Variants in PKLR observed in about 807,000 individuals in gnomAD.
PKLR encodes pyruvate kinase L/R.
A neutral mutation model predicts 53.6 loss-of-function variants in PKLR; 38 were observed. That is an observed-to-expected ratio of 0.71 (90% CI 0.55 to 0.93). The LOEUF (loss-of-function observed/expected upper bound fraction) is 0.93, where lower values mean the gene tolerates loss of function less well. Ranked by LOEUF, PKLR falls within the 40% of genes least tolerant of loss-of-function variation. PKLR has a pLI of 0.00. For missense variants in PKLR, 702 were observed against 787.3 expected (o/e 0.89, Z 1.30); for synonymous variants, 328 against 316.2 (o/e 1.04, Z -0.39).
At chr1:155,302,172 A>T (rs144648492), upstream of PKLR, among the ~76,000 whole-genome samples, 374 of 148,858 alleles carry the variant, frequency 2.5e-3, 1 homozygote, top group African/African-American at 8.9e-3. Flanking sequence ...CCTACCGAGT[A>T]GCTGGGATTA....
chr1:155,305,518 A>T (rs764641458), upstream of PKLR, among the ~76,000 whole-genome samples: 2 of 152,170 alleles, frequency 1.3e-5, no homozygotes, highest in Non-Finnish European at 2.9e-5. Context: ...AGACACAACA[A>T]ATAAAGAGAG....
At position 155,293,652 on chromosome 1, in the gene PKLR, A is replaced by G. The variant is rs1647364055; in HGVS notation, c.1117-62T>C. 4 of 1,564,278 alleles carry G rather than the reference A, an allele frequency of 2.6e-6. No homozygotes were observed. In the South Asian group the frequency reaches 4.5e-5, roughly 17 times the overall value. On this transcript the variant is annotated intron_variant, in intron 7 of 10. Transcript: ENST00000342741. The surrounding 1 kb of genome is among the most constrained non-coding windows in gnomAD (Gnocchi z 4.2). ...ACACTGTGACTGGGGACCCTGCCCA[A>G]GCTACTTCTCTGACACCCACACTCT...
chr1:155,307,879 C>T, the PKLR span, among the ~76,000 whole-genome samples: 1 of 151,990 alleles, frequency 6.6e-6, no homozygotes, highest in Non-Finnish European at 1.5e-5. Flanking sequence ...CACTTGAACC[C>T]GGGAAGCGAG....
Position 155,300,227 on chromosome 1 carries a change from C to G in PKLR, c.154G>C (p.Gly52Arg). ...TGCTGCTGCTGGAAGAAGGCAGTGC[C>G]CAGCTCCTGGGTCAGTTGGGCCACA... ...ASVAQLTQEL[G>R]TAFFQQQQLP... is the part of the protein sequence containing the mutation. The change falls in exon 2 of 11, where the codon GGC becomes CGC. Residue 52 changes from glycine to arginine, a missense_variant. Around this residue, in one of 2 missense-constraint regions of PKLR, gnomAD observed 519 missense variants for 537.1 expected, o/e 0.97. Coordinates refer to ENST00000342741, the MANE Select transcript of PKLR (RefSeq NM_000298.6). 6.2e-7 allele frequency: 1 copy of G among 1,612,650 alleles called. No individual in the cohort carries two copies. The highest frequency in any genetic ancestry group is 8.5e-7 in the Non-Finnish European group (1 of 1,179,444).
chr1:155,293,599 C>T lies in PKLR; in HGVS notation c.1117-9G>A, dbSNP rs373607289. On this transcript the variant is annotated splice_polypyrimidine_tract_variant and intron_variant, in intron 7 of 10. Transcript: ENST00000342741. The surrounding 1 kb of genome is among the most constrained non-coding windows in gnomAD (Gnocchi z 4.2). ...ATCATGCTCTCCAGCATCTGGGGGA[C>T]AGCGTGGATGTCAAAGTTGTAGGAC... 2 of 1,613,966 alleles carry T rather than the reference C, an allele frequency of 1.2e-6. No homozygotes were observed. Among genetic ancestry groups the T allele is most frequent in the Non-Finnish European group, 1.7e-6 (2 of 1,179,960 alleles).
chr1:155,290,930 A>G (rs1448744887), intron 10 of PKLR, among the ~76,000 whole-genome samples: 1 of 150,550 alleles, frequency 6.6e-6, no homozygotes, highest in Non-Finnish European at 1.5e-5. Flanking sequence ...TAGAGGTTGC[A>G]GTGAGCCGAG....
In PKLR at chr1:155,295,315, C is replaced by A. The variant is rs1217312222; in HGVS notation, c.508-13G>T. 1 of 1,613,852 alleles carries A rather than the reference C, an allele frequency of 6.2e-7. No homozygotes were observed. The highest frequency in any genetic ancestry group is 8.5e-7 in the Non-Finnish European group (1 of 1,179,874). On this transcript the variant is annotated splice_polypyrimidine_tract_variant and intron_variant, in intron 4 of 10. Coordinates refer to ENST00000342741, the MANE Select transcript of PKLR (RefSeq NM_000298.6). This position sits in a 1 kb window ranked among gnomAD's most constrained non-coding sequence, Gnocchi z 4.3. ...CCGACTCTGGACCCTAAGGAGGGAG[C>A]CAGAGGAGATGTGAGTTCTGAGCCC...
chr1:155,298,333 C>CT (rs899329311), intron 2 of PKLR, among the ~76,000 whole-genome samples: 107 of 135,258 alleles, frequency 7.9e-4, no homozygotes, highest in South Asian at 2.4e-3. Context: ...CACGCCTGGC[C>CT]TTTTTTTTTT....
intron 2 of PKLR, among the ~76,000 whole-genome samples, chr1:155,296,635 G>C (rs559239362): frequency 3.3e-5 from 5 of 151,928 alleles, no homozygotes; most frequent in Non-Finnish European, 5.9e-5. Flanking sequence ...GTGAGTCACC[G>C]TGCCCAGCCA....
At chr1:155,308,009 G>A in the PKLR span, among the ~76,000 whole-genome samples, 1 of 151,736 alleles carries the variant, frequency 6.6e-6, no homozygotes, top group Admixed American at 6.6e-5. Context: ...ATTCCTGACC[G>A]CAGGTGATCC....
Position 155,295,084 on chromosome 1 carries a change from G to C in PKLR, c.694+32C>G. ...GGAGAAGGGAATGTGCCCAGCGCAC[G>C]GATGTGGTCAGGGCGGGAGGCGCGT... On this transcript the variant is annotated intron_variant, in intron 5 of 10. Coordinates refer to ENST00000342741, the MANE Select transcript of PKLR (RefSeq NM_000298.6). The surrounding 1 kb of genome is among the most constrained non-coding windows in gnomAD (Gnocchi z 4.3). The C allele has an allele frequency of 1.9e-6, 3 of 1,605,418 alleles. No homozygotes were observed. The highest frequency in any genetic ancestry group is 1.1e-5 in the South Asian group (1 of 90,828).
chr1:155,299,026 CTTTCTTTCTCTTTCTTTCT>C (rs1557963379), intron 2 of PKLR, among the ~76,000 whole-genome samples: 1,451 of 92,400 alleles, frequency 0.016, 82 homozygotes, highest in African/African-American at 0.038. Flanking sequence ...TTCTTTCTTT[CTTTCTTTCTCTTTCTTTCT>C]TTCTTTCCTT....
At chr1:155,302,667 C>T (rs1648089118), upstream of PKLR, among the ~76,000 whole-genome samples, 1 of 151,626 alleles carries the variant, frequency 6.6e-6, no homozygotes, top group African/African-American at 2.4e-5. Context: ...CCATCATGCC[C>T]AGCCTTGTTT....
upstream of PKLR, among the ~76,000 whole-genome samples, chr1:155,306,050 G>A (rs1399883311): frequency 1.3e-5 from 2 of 152,148 alleles, no homozygotes; most frequent in Non-Finnish European, 2.9e-5. The surrounding 1 kb of genome is among the most constrained non-coding windows in gnomAD (Gnocchi z 4.2). Flanking sequence ...GTTCTCCAAA[G>A]CAGCCCGTGT....
intron 2 of PKLR, among the ~76,000 whole-genome samples, chr1:155,298,634 C>CT (rs1050645441): frequency 4.1e-5 from 6 of 147,738 alleles, no homozygotes; most frequent in Admixed American, 6.7e-5. Context: ...GCTTTTTTTT[C>CT]TTTTTTTAAA....
chr1:155,305,529 ACAAAATTTGTACC>A (rs1323842437), upstream of PKLR, among the ~76,000 whole-genome samples: 2 of 152,164 alleles, frequency 1.3e-5, no homozygotes, highest in Non-Finnish European at 2.9e-5. Context: ...ATAAAGAGAG[ACAAAATTTGTACC>A]CACAGAGAAT....
chr1:155,300,319 C>A (rs760114275), intron 1 of PKLR, 39 bp from the exon 2 acceptor site: 9 of 1,518,324 alleles, frequency 5.9e-6, no homozygotes, highest in African/African-American at 1.4e-5. Flanking sequence ...ATGTCACCTG[C>A]CCTTCCTCCC....
At chr1:155,306,809 G>A in the PKLR span, among the ~76,000 whole-genome samples, 1 of 152,146 alleles carries the variant, frequency 6.6e-6, no homozygotes, top group African/African-American at 2.4e-5. This position sits in a 1 kb window ranked among gnomAD's most constrained non-coding sequence, Gnocchi z 4.2. Flanking sequence ...TGGTGTGTCC[G>A]GAGTTTGTTC....
rs1674554905 is a variant in PKLR, at chr1:155,291,810, C to T, written c.1564G>A (p.Glu522Lys). 6.2e-7 allele frequency: 1 copy of T among 1,613,980 alleles called. No individual in the cohort carries two copies. Among genetic ancestry groups the T allele is most frequent in the African/African-American group, 1.3e-5 (1 of 74,872 alleles). ...VFPLLYREPP[E>K]AIWADDVDRR... ...TCTACATCATCTGCCCAGATGGCTT[C>T]TGGAGGTTCACGGTAAAGCAAGGGG... is the stretch of plus-strand genomic sequence containing the variant. Residue 522 changes from glutamate (E) to lysine (K), a missense_variant, in exon 10 of 11, where the codon GAA becomes AAA. Physicochemically the swap from Glu to Lys is moderately conservative, Grantham distance 56. This residue lies in a region of PKLR where 183 missense variants were observed against 250.2 expected (regional missense o/e 0.73). Transcript: ENST00000342741.
Sources: allele counts gnomAD v4.1 joint callset (sites outside exome capture counted in the v4.1 genomes callset), GRCh38; gene constraint gnomAD v4.1.1; regional missense constraint gnomAD v4.1.1; non-coding constraint Gnocchi (gnomAD v3.1); transcripts MANE v1.5; gene names NCBI Gene and HGNC (gene_info 2026-07-23, HGNC 2026-07-21).